MDGA2: variants seen among roughly 807,000 people sequenced by gnomAD.
MDGA2 encodes the protein MAM domain-containing glycosylphosphatidylinositol anchor protein 2.
In MDGA2, 40 loss-of-function variants were observed where a neutral mutation model predicts 117.8. The observed-to-expected ratio is 0.34, with a 90% confidence interval of 0.26 to 0.44. The LOEUF (loss-of-function observed/expected upper bound fraction) is 0.44, where lower values mean the gene tolerates loss of function less well. Ranked by LOEUF, MDGA2 falls within the 20% of genes least tolerant of loss-of-function variation. MDGA2 has a pLI of 1.00. For synonymous variants in MDGA2, 452 were observed against 439.0 expected, an observed-to-expected ratio of 1.03 and a Z score of -0.37; for missense variants, 1,123 against 1,250.6, an observed-to-expected ratio of 0.90 and a Z score of 1.54.
At chr14:46,892,578 T>C (rs1217259841) in intron 10 of MDGA2, among the ~76,000 whole-genome samples, 1 of 151,854 alleles carries the variant, frequency 6.6e-6, no homozygotes, top group Non-Finnish European at 1.5e-5. Flanking sequence ...AGCAATGAAC[T>C]GTAAAAATCA....
intron 3 of MDGA2, among the ~76,000 whole-genome samples, chr14:47,188,464 T>C (rs1485714116): frequency 6.6e-6 from 1 of 152,160 alleles, no homozygotes; most frequent in African/African-American, 2.4e-5. Flanking sequence ...GTGAGTAAGC[T>C]TGAAAGTGAA....
At chr14:46,905,549 T>C (rs1883457243) in intron 10 of MDGA2, among the ~76,000 whole-genome samples, 1 of 152,152 alleles carries the variant, frequency 6.6e-6, no homozygotes, top group Non-Finnish European at 1.5e-5. Flanking sequence ...TGCAAACAGA[T>C]TGAAAAAGAC....
intron 6 of MDGA2, among the ~76,000 whole-genome samples, chr14:47,063,142 A>C (rs926027881): frequency 6.6e-6 from 1 of 152,074 alleles, no homozygotes; most frequent in Non-Finnish European, 1.5e-5. Context: ...AGACATATAT[A>C]GCGATGAAAT....
intron 2 of MDGA2, among the ~76,000 whole-genome samples, chr14:47,279,184 T>C (rs79937890): frequency 0.029 from 4,481 of 152,264 alleles, 215 homozygotes; most frequent in African/African-American, 0.1. Flanking sequence ...TATTTCCAAA[T>C]TGATTAAAAA....
At chr14:47,144,314 A>G (rs1449354596) in intron 3 of MDGA2, 40 bp from the exon 4 acceptor site, 8 of 1,473,708 alleles carry the variant, frequency 5.4e-6, no homozygotes, top group Non-Finnish European at 7.4e-6. Flanking sequence ...ATGTTATGAG[A>G]TAGATGACTT....
intron 15 of MDGA2, among the ~76,000 whole-genome samples, chr14:46,848,810 G>T (rs2138280807): frequency 6.6e-6 from 1 of 152,056 alleles, no homozygotes; most frequent in South Asian, 2.1e-4. Flanking sequence ...GCAATATGTT[G>T]ACTGTAAGTC....
intron 6 of MDGA2, among the ~76,000 whole-genome samples, chr14:47,090,205 T>C (rs763996784): frequency 3.7e-4 from 57 of 152,150 alleles, no homozygotes; most frequent in Admixed American, 6.5e-4. Context: ...AGTTAAATCA[T>C]CACTTTTTGG....
At chr14:46,974,287 C>G (rs191430882) in intron 8 of MDGA2, among the ~76,000 whole-genome samples, 1 of 151,984 alleles carries the variant, frequency 6.6e-6, no homozygotes, top group Admixed American at 6.6e-5. Context: ...ATTGTTAATA[C>G]GTCAAAACTA....
chr14:47,531,845 A>G (rs1895108106), intron 1 of MDGA2, among the ~76,000 whole-genome samples: 1 of 152,210 alleles, frequency 6.6e-6, no homozygotes, highest in African/African-American at 2.4e-5. Flanking sequence ...CATGTATTCT[A>G]TTTGGTTCAG....
intron 4 of MDGA2, among the ~76,000 whole-genome samples, chr14:47,135,996 A>G (rs1268261776): frequency 6.6e-6 from 1 of 152,096 alleles, no homozygotes; most frequent in Admixed American, 6.6e-5. Flanking sequence ...ATTTATATTT[A>G]TTCTAAAGTT....
At chr14:47,257,645 C>T (rs1887666955) in intron 2 of MDGA2, among the ~76,000 whole-genome samples, 1 of 152,074 alleles carries the variant, frequency 6.6e-6, no homozygotes, top group African/African-American at 2.4e-5. Flanking sequence ...AACACAAAAA[C>T]TATTAATAAT....
chr14:47,571,370 G>T (rs1896015912), intron 1 of MDGA2, among the ~76,000 whole-genome samples: 1 of 152,136 alleles, frequency 6.6e-6, no homozygotes, highest in African/African-American at 2.4e-5. Context: ...TCTAGAAGTA[G>T]AAATACCATT....
chr14:47,281,898 A>C (rs1744035077), intron 2 of MDGA2, among the ~76,000 whole-genome samples: 1 of 151,928 alleles, frequency 6.6e-6, no homozygotes, highest in South Asian at 2.1e-4. Context: ...CTCTACTAAA[A>C]ATACAAAAAT....
At chr14:47,541,283 G>A (rs1245741546) in intron 1 of MDGA2, among the ~76,000 whole-genome samples, 1 of 152,198 alleles carries the variant, frequency 6.6e-6, no homozygotes, top group Non-Finnish European at 1.5e-5. Context: ...GTCTGTAAAT[G>A]TAGGCACTAA....
intron 1 of MDGA2, among the ~76,000 whole-genome samples, chr14:47,366,000 A>G: frequency 6.6e-6 from 1 of 152,202 alleles, no homozygotes; most frequent in East Asian, 1.9e-4. Flanking sequence ...CAAGAACTCA[A>G]TCACAAAGAC....
At chr14:47,352,236 CA>C (rs922677434) in intron 1 of MDGA2, among the ~76,000 whole-genome samples, 1 of 152,120 alleles carries the variant, frequency 6.6e-6, no homozygotes, top group Non-Finnish European at 1.5e-5. Context: ...TAGTCAAGCC[CA>C]AATTTCTTCC....
chr14:47,267,575 C>T (rs1481792263), intron 2 of MDGA2, among the ~76,000 whole-genome samples: 1 of 151,956 alleles, frequency 6.6e-6, no homozygotes, highest in African/African-American at 2.4e-5. Flanking sequence ...TTAATTTTTC[C>T]ATTATTTTCT....
chr14:46,939,930 G>A (rs1285895890), intron 9 of MDGA2, among the ~76,000 whole-genome samples: 1 of 152,150 alleles, frequency 6.6e-6, no homozygotes, highest in African/African-American at 2.4e-5. Flanking sequence ...GCATGACTGA[G>A]GCTGAAATCC....
intron 10 of MDGA2, among the ~76,000 whole-genome samples, chr14:46,882,604 T>C (rs762799764): frequency 5.9e-5 from 9 of 151,468 alleles, no homozygotes; most frequent in Non-Finnish European, 8.8e-5. Flanking sequence ...ACATATGCAT[T>C]GCATATATAA....
Sources: allele counts gnomAD v4.1 joint callset (sites outside exome capture counted in the v4.1 genomes callset), GRCh38; gene constraint gnomAD v4.1.1; transcripts MANE v1.5; gene names NCBI Gene and HGNC (gene_info 2026-07-23, HGNC 2026-07-21).